Variants in CSMD1 observed in about 807,000 individuals in gnomAD.
CSMD1 encodes the protein CUB and Sushi multiple domains 1, also known as CUB and sushi domain-containing protein 1.
Under a neutral mutation model 417.5 loss-of-function variants are expected in CSMD1, and 213 were observed. That is an observed-to-expected ratio of 0.51 (90% CI 0.46 to 0.57). The LOEUF (loss-of-function observed/expected upper bound fraction) is 0.57, where lower values mean the gene tolerates loss of function less well. Ranked by LOEUF, CSMD1 falls within the 20% of genes least tolerant of loss-of-function variation. The pLI, the probability that CSMD1 is intolerant of heterozygous loss-of-function variation, is 0.00. For missense variants in CSMD1, 6,923 were observed against 4,529.7 expected (o/e 1.53, Z -15.17); for synonymous variants, 2,862 against 1,736.8 (o/e 1.65, Z -16.11).
intron 1 of CSMD1, among the ~76,000 whole-genome samples, chr8:4,722,646 G>C (rs570073096): frequency 6.6e-6 from 1 of 151,946 alleles, no homozygotes; most frequent in Non-Finnish European, 1.5e-5. Flanking sequence ...AATAGTCTCA[G>C]CATCTCATTA....
intron 1 of CSMD1, among the ~76,000 whole-genome samples, chr8:4,718,174 C>T (rs944152549): frequency 6.6e-6 from 1 of 152,014 alleles, no homozygotes; most frequent in East Asian, 1.9e-4. Flanking sequence ...ACAGGGTCTA[C>T]CTATGTAGCC....
chr8:3,616,200 A>C (rs1802128350), intron 8 of CSMD1, among the ~76,000 whole-genome samples: 1 of 152,132 alleles, frequency 6.6e-6, no homozygotes, highest in South Asian at 2.1e-4. Flanking sequence ...AGCATCCATA[A>C]TCTCCACATG....
intron 5 of CSMD1, among the ~76,000 whole-genome samples, chr8:3,904,675 C>T (rs1195789736): frequency 3.8e-5 from 5 of 132,772 alleles, no homozygotes; most frequent in African/African-American, 6.0e-5. Context: ...CTTACTCTGT[C>T]ACCCCGGTTG....
chr8:3,240,192 G>T (rs990782773), intron 26 of CSMD1, among the ~76,000 whole-genome samples: 1 of 152,116 alleles, frequency 6.6e-6, no homozygotes, highest in African/African-American at 2.4e-5. Context: ...AATTCTGACT[G>T]CGCAGCCCAC....
At chr8:3,627,961 C>G (rs955026778) in intron 7 of CSMD1, among the ~76,000 whole-genome samples, 1 of 152,186 alleles carries the variant, frequency 6.6e-6, no homozygotes, top group Non-Finnish European at 1.5e-5. Context: ...AAGTACTTCA[C>G]ACTTCGCTAA....
intron 3 of CSMD1, among the ~76,000 whole-genome samples, chr8:4,313,295 C>G (rs1798732893): frequency 6.6e-6 from 1 of 152,036 alleles, no homozygotes; most frequent in Admixed American, 6.5e-5. Flanking sequence ...TGCGAAGAAT[C>G]TGGTTAATAG....
At chr8:3,952,715 C>A (rs770691431) in intron 5 of CSMD1, among the ~76,000 whole-genome samples, 1 of 152,106 alleles carries the variant, frequency 6.6e-6, no homozygotes, top group Non-Finnish European at 1.5e-5. Flanking sequence ...CTAGATGTCA[C>A]TGAATTGGAC....
At chr8:4,466,303 G>T (rs1020123118) in intron 2 of CSMD1, among the ~76,000 whole-genome samples, 4 of 152,004 alleles carry the variant, frequency 2.6e-5, no homozygotes, top group Middle Eastern at 3.2e-3. Context: ...AGGAGGAGGA[G>T]GAGAAACAGA....
intron 2 of CSMD1, among the ~76,000 whole-genome samples, chr8:4,572,849 G>C (rs960546624): frequency 6.6e-6 from 1 of 151,980 alleles, no homozygotes; most frequent in Non-Finnish European, 1.5e-5. Flanking sequence ...TTGTCTTCAT[G>C]CTTTATTTCA....
intron 11 of CSMD1, among the ~76,000 whole-genome samples, chr8:3,486,439 C>A (rs976549004): frequency 6.6e-6 from 1 of 152,118 alleles, no homozygotes; most frequent in African/African-American, 2.4e-5. Flanking sequence ...GAAAAACAAA[C>A]AATAAAAATC....
chr8:3,014,929 T>C (rs560299211), intron 52 of CSMD1, among the ~76,000 whole-genome samples: 2 of 151,666 alleles, frequency 1.3e-5, no homozygotes, highest in Non-Finnish European at 2.9e-5. Flanking sequence ...CATAATTAAA[T>C]AAATAAATAA....
chr8:4,446,035 G>C (rs558816106), intron 2 of CSMD1, among the ~76,000 whole-genome samples: 3 of 152,156 alleles, frequency 2.0e-5, no homozygotes, highest in Non-Finnish European at 2.9e-5. Context: ...TTAGGAACTT[G>C]ACACAGCCCA....
Position 4,041,162 on chromosome 8 carries a change from G to A in CSMD1, c.416-9063C>T, listed in dbSNP as rs375915666. On this transcript the variant is annotated intron_variant, in intron 3 of 69. Coordinates refer to ENST00000635120, the MANE Select transcript of CSMD1 (RefSeq NM_033225.6). The stretch of plus-strand genomic sequence containing the variant: ...CTCCCGAGTAGCTGGGACTACAGGC[G>A]CCCGCCACCACGCCCGGCTAATTTT... Among the ~76,000 whole-genome samples the A allele has an allele frequency of 2.0e-3, 298 of 151,526 alleles. 2 individuals carry two copies. The highest frequency in any genetic ancestry group is 5.9e-3 in the East Asian group (30 of 5,114).
chr8:3,277,349 A>C (rs1157842696), intron 26 of CSMD1, among the ~76,000 whole-genome samples: 3 of 152,204 alleles, frequency 2.0e-5, no homozygotes. Context: ...GCCTGTGCGC[A>C]GGTGGGCCAG....
At chr8:3,330,182 C>T (rs1418232482) in intron 23 of CSMD1, among the ~76,000 whole-genome samples, 1 of 152,148 alleles carries the variant, frequency 6.6e-6, no homozygotes, top group African/African-American at 2.4e-5. Context: ...TCTTCAATTA[C>T]TATAGCATTC....
chr8:4,175,788 A>G (rs1436001200), intron 3 of CSMD1, among the ~76,000 whole-genome samples: 1 of 152,212 alleles, frequency 6.6e-6, no homozygotes, highest in Non-Finnish European at 1.5e-5. Flanking sequence ...GAATACTATG[A>G]TGATCATGGC....
At chr8:3,499,247 T>C (rs1044378583) in intron 10 of CSMD1, among the ~76,000 whole-genome samples, 2 of 152,212 alleles carry the variant, frequency 1.3e-5, no homozygotes, top group African/African-American at 4.8e-5. Flanking sequence ...ATGATATTTA[T>C]TTGGTTGTAA....
intron 1 of CSMD1, among the ~76,000 whole-genome samples, chr8:4,797,220 A>G (rs549973779): frequency 9.2e-5 from 14 of 152,308 alleles, no homozygotes; most frequent in South Asian, 8.3e-4. Context: ...CAGGTTTCCA[A>G]TGAGGGAGAT....
chr8:4,826,441 T>C (rs935892608), intron 1 of CSMD1, among the ~76,000 whole-genome samples: 2 of 152,190 alleles, frequency 1.3e-5, no homozygotes, highest in African/African-American at 4.8e-5. Context: ...AATAAGCTAG[T>C]CACAGAAGCA....
Sources: gnomAD v4.1 joint callset for allele counts (sites outside exome capture counted in the v4.1 genomes callset) on GRCh38, gnomAD v4.1.1 for gene constraint, MANE v1.5 for transcripts, NCBI Gene and HGNC (gene_info 2026-07-23, HGNC 2026-07-21) for gene names.